The following ATP4B variants were observed in gnomAD, a reference collection of about 807,000 sequenced individuals.
ATP4B encodes potassium-transporting ATPase subunit beta.
In ATP4B, 27 loss-of-function variants were observed where a neutral mutation model predicts 35.3. The ratio of observed to expected loss-of-function variants is 0.76; its 90% CI spans 0.56 to 1.05. ATP4B has a LOEUF of 1.05. Among genes scored for constraint, ATP4B ranks in the 50% least tolerant of loss-of-function variants. The pLI, the probability that ATP4B is intolerant of heterozygous loss-of-function variation, is 0.00. For missense variants in ATP4B, 375 were observed against 384.8 expected (o/e 0.97, Z 0.21); for synonymous variants, 162 against 156.0 (o/e 1.04, Z -0.29).
chr13:113,656,263 C>T (rs1258895345), intron 1 of ATP4B, among the ~76,000 whole-genome samples: 4 of 152,186 alleles, frequency 2.6e-5, no homozygotes, highest in Non-Finnish European at 5.9e-5. Context: ...GGCCGCCTGT[C>T]CCCCGGGGAC....
rs1013643420 is a variant in ATP4B at position 113,650,347 on chromosome 13, G to T, written c.714+59C>A. The T allele has an allele frequency of 2.0e-6, 3 of 1,504,732 alleles. No homozygotes were observed. Among genetic ancestry groups the T allele is most frequent in the Non-Finnish European group, 2.8e-6 (3 of 1,082,472 alleles). The allele number at this position is 1,504,732 out of a possible 1,614,324, so 93.2% of individuals were successfully genotyped here. On this transcript the variant is annotated intron_variant, in intron 6 of 6. Coordinates refer to ENST00000335288, the MANE Select transcript of ATP4B (RefSeq NM_000705.4). This position sits in a 1 kb window ranked among gnomAD's most constrained non-coding sequence, Gnocchi z 5.0. ...TGAAGGGGCTTATTGCTTTCCTTTC[G>T]CTAAGTGTGAGAGGACTCAGCAGCT...
intron 5 of ATP4B, 102 bp downstream of exon 5, chr13:113,651,563 GCTGACA>G: frequency 7.8e-7 from 1 of 1,274,784 alleles, no homozygotes; most frequent in South Asian, 1.8e-5. Flanking sequence ...TGGGCCGACG[GCTGACA>G]TTCCTGGAGA....
At chr13:113,655,103 A>C (rs889808678) in intron 1 of ATP4B, among the ~76,000 whole-genome samples, 161 bp from the exon 2 acceptor site, 7 of 151,998 alleles carry the variant, frequency 4.6e-5, no homozygotes, top group African/African-American at 1.7e-4. Flanking sequence ...ACAAACAGTC[A>C]CTACAATCCC....
At chr13:113,656,489 C>T (rs2049755546) in intron 1 of ATP4B, among the ~76,000 whole-genome samples, 1 of 152,150 alleles carries the variant, frequency 6.6e-6, no homozygotes, top group Non-Finnish European at 1.5e-5. Context: ...TCGGGAGGGC[C>T]ATGCTCCCTG....
At chr13:113,651,760 C>G (rs780727607) in intron 4 of ATP4B, 33 bp from the exon 5 acceptor site, 2 of 1,608,818 alleles carry the variant, frequency 1.2e-6, no homozygotes, top group Non-Finnish European at 8.5e-7. Flanking sequence ...TGGCCGCTCC[C>G]CACCCCCACC....
In ATP4B at chr13:113,656,312, T is replaced by C. The variant is rs141155686; in HGVS notation, c.113-1370A>G. Among the ~76,000 whole-genome samples, 662 of 152,240 alleles carry C rather than the reference T, an allele frequency of 4.3e-3. 6 individuals carry two copies. Among genetic ancestry groups the C allele is most frequent in the African/African-American group, 0.015 (606 of 41,562 alleles). On this transcript the variant is annotated intron_variant, in intron 1 of 6. Coordinates refer to ENST00000335288, the MANE Select transcript of ATP4B (RefSeq NM_000705.4). ...GGCAGGGGTCTCTGTTCCCCCGCTG[T>C]GGGTCCTGTGGGTCTGCTCTGGGGC... is the stretch of plus-strand genomic sequence containing the variant.
chr13:113,657,047 C>T (rs979045857), intron 1 of ATP4B, among the ~76,000 whole-genome samples: 4 of 152,222 alleles, frequency 2.6e-5, no homozygotes, highest in African/African-American at 9.6e-5. Flanking sequence ...GCTCTGGTGC[C>T]CTTTGAGACC....
intron 4 of ATP4B, among the ~76,000 whole-genome samples, chr13:113,652,121 G>T (rs553002657): frequency 6.6e-6 from 1 of 152,160 alleles, no homozygotes; most frequent in Admixed American, 6.5e-5. Context: ...TGGCCCACCC[G>T]GGCCTTCAGC....
rs1594561968 is a variant in ATP4B, at chr13:113,652,743, G to A, written c.555+130C>T. On this transcript the variant is annotated intron_variant, in intron 4 of 6. Transcript: ENST00000335288. ...GCGTGCCAAACCAAGGTACAGGGTGGTGAGGCTGGAGTCCCTGTCCCGCTT... is the reference window on the plus strand; with the variant it reads ...GCGTGCCAAACCAAGGTACAGGGTGATGAGGCTGGAGTCCCTGTCCCGCTT... The A allele has an allele frequency of 1.1e-5, 12 of 1,043,944 alleles. No homozygotes were observed. The East Asian group carries it at 3.1e-4, about 27-fold the overall frequency. The allele number at this position is 1,043,944 out of a possible 1,614,324, so 64.7% of individuals were successfully genotyped here. A position where few individuals can be genotyped will look rare whatever the true frequency, so the allele number is the denominator to read the frequency against.
chr13:113,654,737 C>G, intron 2 of ATP4B, 77 bp downstream of exon 2: 1 of 1,528,008 alleles, frequency 6.5e-7, no homozygotes, highest in Non-Finnish European at 8.8e-7. Flanking sequence ...GGCACGGGTC[C>G]CCCGGGCGTC....
chr13:113,654,747 C>A lies in ATP4B; in HGVS notation c.241+67G>T, dbSNP rs537214263. 51 of 1,563,830 alleles carry A rather than the reference C, an allele frequency of 3.3e-5. 3 individuals are homozygous for A. The East Asian group carries it at 1.2e-3, about 36-fold the overall frequency. ...GGGAGGGCACGGGTCCCCCGGGCGT[C>A]TCCAGAGCCGAGGAGGCGGCAGCCT... On this transcript the variant is annotated intron_variant, in intron 2 of 6. Transcript: ENST00000335288.
intron 2 of ATP4B, among the ~76,000 whole-genome samples, chr13:113,653,871 G>A (rs2049733379): frequency 6.6e-6 from 1 of 152,268 alleles, no homozygotes; most frequent in Admixed American, 6.5e-5. Context: ...ACAGCGGGGA[G>A]TGAAACGCAG....
At chr13:113,656,487 G>A (rs1312746732) in intron 1 of ATP4B, among the ~76,000 whole-genome samples, 5 of 152,282 alleles carry the variant, frequency 3.3e-5, no homozygotes, top group African/African-American at 1.2e-4. Flanking sequence ...GCTCGGGAGG[G>A]CCATGCTCCC....
chr13:113,652,644 T>G, intron 4 of ATP4B: 1 of 626,030 alleles, frequency 1.6e-6, no homozygotes, highest in Non-Finnish European at 2.9e-6. Flanking sequence ...TTCCACATGT[T>G]TTAGAGGGCC....
intron 1 of ATP4B, 97 bp downstream of exon 1, chr13:113,657,935 CA>C: frequency 9.9e-7 from 1 of 1,005,542 alleles, no homozygotes; most frequent in Non-Finnish European, 1.5e-6. Context: ...GTCTCACTGT[CA>C]GGGGCCCTCT....
At position 113,650,168 on chromosome 13, in the gene ATP4B, CA is replaced by C. The variant is rs550622048; in HGVS notation, c.714+237del. Among the ~76,000 whole-genome samples, 3,808 of 99,846 alleles carry C rather than the reference CA, an allele frequency of 0.038. 123 individuals are homozygous for C. The highest frequency in any genetic ancestry group is 0.1 in the African/African-American group (3,112 of 30,290). The allele number at this position is 99,846 out of a possible 152,430, so 65.5% of individuals were successfully genotyped here. A position where few individuals can be genotyped will look rare whatever the true frequency, so the allele number is the denominator to read the frequency against. ...CCTGGGTGACAGAGCAAGACTGTCT[CA>C]AAAAAAAAAAAAAAAGTTGAAGAGT... is the stretch of plus-strand genomic sequence containing the variant. On this transcript the variant is annotated intron_variant, in intron 6 of 6. Coordinates refer to ENST00000335288, the MANE Select transcript of ATP4B (RefSeq NM_000705.4). The surrounding 1 kb of genome is among the most constrained non-coding windows in gnomAD (Gnocchi z 5.0).
At chr13:113,653,169 A>G in intron 3 of ATP4B, 97 bp from the exon 4 acceptor site, 1 of 1,465,534 alleles carries the variant, frequency 6.8e-7, no homozygotes, top group Non-Finnish European at 9.3e-7. Flanking sequence ...CGAGTTTCTC[A>G]TGAAATAGAA....
In ATP4B at chr13:113,651,742, C is replaced by T; in HGVS notation, c.556-15G>A. ...AACTTGACGATCTAGAAGGGAAAAG[C>T]TTGAGCGTGGCCGCTCCCCACCCCC... On this transcript the variant is annotated splice_polypyrimidine_tract_variant and intron_variant, in intron 4 of 6. Transcript: ENST00000335288. 1 of 1,613,078 alleles carries T rather than the reference C, an allele frequency of 6.2e-7. No individual in the cohort carries two copies. The highest frequency in any genetic ancestry group is 8.5e-7 in the Non-Finnish European group (1 of 1,179,506).
chr13:113,651,349 G>A (rs1296520748), intron 5 of ATP4B, among the ~76,000 whole-genome samples: 1 of 152,240 alleles, frequency 6.6e-6, no homozygotes, highest in East Asian at 1.9e-4. Context: ...TTGTAAAGAA[G>A]CACATAAAAA....
Sources: gnomAD v4.1 joint callset for allele counts (sites outside exome capture counted in the v4.1 genomes callset) on GRCh38, gnomAD v4.1.1 for gene constraint, Gnocchi (gnomAD v3.1) non-coding constraint, MANE v1.5 for transcripts, NCBI Gene and HGNC (gene_info 2026-07-23, HGNC 2026-07-21) for gene names.